MPZL1: variants seen among roughly 807,000 people sequenced by gnomAD.
MPZL1 encodes the protein myelin protein zero like 1.
In MPZL1, 16 loss-of-function variants were observed where a neutral mutation model predicts 29.3. The ratio of observed to expected loss-of-function variants is 0.55; its 90% CI spans 0.37 to 0.83. MPZL1 has a LOEUF of 0.83. Ranked by LOEUF, MPZL1 falls within the 40% of genes least tolerant of loss-of-function variation. The probability of loss-of-function intolerance (pLI) is 0.00; values close to 1 mark genes in which losing one functional copy is unlikely to be tolerated. For synonymous variants in MPZL1, 143 were observed against 132.0 expected, an observed-to-expected ratio of 1.08 and a Z score of -0.57; for missense variants, 279 against 332.9, an observed-to-expected ratio of 0.84 and a Z score of 1.26.
chr1:167,722,713 T>C (rs994236291), intron 1 of MPZL1, among the ~76,000 whole-genome samples: 11 of 152,230 alleles, frequency 7.2e-5, no homozygotes, highest in African/African-American at 1.4e-4. Flanking sequence ...TTGATTTGTT[T>C]CCTGTTAAGC....
intron 1 of MPZL1, among the ~76,000 whole-genome samples, chr1:167,763,230 G>T (rs114761699): frequency 0.013 from 1,990 of 152,264 alleles, 46 homozygotes; most frequent in African/African-American, 0.045. Context: ...AATCCTTGAA[G>T]AAGGCTGGGT....
At chr1:167,722,878 G>A (rs1256659173) in intron 1 of MPZL1, among the ~76,000 whole-genome samples, 1 of 152,138 alleles carries the variant, frequency 6.6e-6, no homozygotes, top group African/African-American at 2.4e-5. Context: ...CAGTGAGATG[G>A]CCTGGCTTAA....
At chr1:167,774,715 C>T (rs1253522480) in intron 4 of MPZL1, 1 of 152,224 alleles carries the variant, frequency 6.6e-6, no homozygotes, top group Non-Finnish European at 1.5e-5. Context: ...TTTCCTCCTC[C>T]TCTACCTTTT....
chr1:167,751,202 T>C (rs1660748330), intron 1 of MPZL1, among the ~76,000 whole-genome samples: 2 of 152,240 alleles, frequency 1.3e-5, no homozygotes, highest in Non-Finnish European at 1.5e-5. Flanking sequence ...GCAACTATCA[T>C]GTTTCTCCTT....
At position 167,733,374 on chromosome 1, in the gene MPZL1, G is replaced by T. The variant is rs75136949; in HGVS notation, c.91+11132G>T. On this transcript the variant is annotated intron_variant, in intron 1 of 5. Transcript: ENST00000359523. ...TTCCCACTGTAAGTTCTAGGCTATA[G>T]ATAAGAGTGTCACAAAGTTCTTTTA... Among the ~76,000 whole-genome samples the T allele has an allele frequency of 1.1e-3, 175 of 152,292 alleles. 1 individual carries two copies. The East Asian group carries it at 0.029, about 25-fold the overall frequency.
rs1661678725 is a variant in MPZL1, at chr1:167,790,202, A to G, written c.*2281A>G. ...CACTTCTTCTTGCGGTGCCGGGACC[A>G]TGTGTTGGTGAAGCTGGTGCTGTGG... On this transcript the variant is annotated 3_prime_UTR_variant, in exon 6 of 6. Coordinates refer to ENST00000359523, the MANE Select transcript of MPZL1 (RefSeq NM_003953.6). 2.0e-5 allele frequency: 3 copies of G among 152,414 alleles called. No individual in the cohort carries two copies. Among genetic ancestry groups the G allele is most frequent in the South Asian group, 2.1e-4 (1 of 4,820 alleles). The allele number at this position is 152,414 out of a possible 1,614,324, so 9.4% of individuals were successfully genotyped here.
intron 1 of MPZL1, among the ~76,000 whole-genome samples, chr1:167,744,279 G>A (rs6427106): frequency 0.74 from 112,761 of 151,910 alleles, 42,078 homozygotes; most frequent in Admixed American, 0.82. Context: ...TAGTCACACC[G>A]GAAGTTTTTC....
Position 167,763,638 on chromosome 1 carries a change from G to T in MPZL1, c.92-1945G>T, listed in dbSNP as rs186010026. On this transcript the variant is annotated intron_variant, in intron 1 of 5. Transcript: ENST00000359523. ...CACACAGAGTGAATAAGGGTTGCAA[G>T]CCAGTGCTGCTTCCTGGAATAAGCT... is the stretch of plus-strand genomic sequence containing the variant. Among the ~76,000 whole-genome samples, 4 of 152,356 alleles carry T rather than the reference G, an allele frequency of 2.6e-5. 1 individual carries two copies. Among genetic ancestry groups the T allele is most frequent in the Admixed American group, 2.6e-4 (4 of 15,298 alleles).
At chr1:167,770,878 G>A (rs182835553) in intron 2 of MPZL1, among the ~76,000 whole-genome samples, 1 of 152,178 alleles carries the variant, frequency 6.6e-6, no homozygotes, top group African/African-American at 2.4e-5. Flanking sequence ...ATATTGAGAG[G>A]ATTAGAGGTG....
Position 167,773,256 on chromosome 1 carries a change from G to C in MPZL1, c.493G>C (p.Val165Leu). The change falls in exon 4 of 6, where the codon GTT becomes CTT. Residue 165 changes from valine to leucine, a missense_variant. By Grantham distance (32) the Val-to-Leu change is conservative. Coordinates refer to ENST00000359523, the MANE Select transcript of MPZL1 (RefSeq NM_003953.6). ...VEKENLPVFP[V>L]WVVVGIVTAV... ...TCTAGAGAATTTGCCTGTGTTTCCA[G>C]TTTGGGTAGTGGTGGGCATAGTTAC... is the stretch of plus-strand genomic sequence containing the variant. 1 of 1,613,422 alleles carries C rather than the reference G, an allele frequency of 6.2e-7. No individual in the cohort carries two copies. Among genetic ancestry groups the C allele is most frequent in the Non-Finnish European group, 8.5e-7 (1 of 1,179,444 alleles).
At chr1:167,747,130 C>G (rs147640992) in intron 1 of MPZL1, among the ~76,000 whole-genome samples, 1 of 152,328 alleles carries the variant, frequency 6.6e-6, no homozygotes, top group East Asian at 1.9e-4. Flanking sequence ...ACACTCATTA[C>G]CATTTGCAGC....
In MPZL1 at chr1:167,731,131, A is replaced by T. The variant is rs547630408; in HGVS notation, c.91+8889A>T. Among the ~76,000 whole-genome samples, 10 of 152,322 alleles carry T rather than the reference A, an allele frequency of 6.6e-5. No individual in the cohort carries two copies. The South Asian group carries it at 2.1e-3, about 32-fold the overall frequency. On this transcript the variant is annotated intron_variant, in intron 1 of 5. Transcript: ENST00000359523. ...CTAATTTGTAATCAGGTTGAATAAT[A>T]TGGATTTAAGACCAGAAAATGGGCC...
At position 167,773,243 on chromosome 1, in the gene MPZL1, G is replaced by A. The variant is rs896156412; in HGVS notation, c.480G>A (p.Leu160=). Residue 160 remains leucine, a synonymous_variant, in exon 4 of 6, where the codon TTG becomes TTA. Transcript: ENST00000359523. The stretch of plus-strand genomic sequence containing the variant: ...TTTGTTCTTTCTCTCTAGAGAATTT[G>A]CCTGTGTTTCCAGTTTGGGTAGTGG... ...IRLYVVEKEN[L]PVFPVWVVVG... 1.4e-5 allele frequency: 22 copies of A among 1,612,666 alleles called. No individual in the cohort carries two copies. In the African/African-American group the frequency reaches 2.8e-4, roughly 21 times the overall value.
intron 1 of MPZL1, among the ~76,000 whole-genome samples, chr1:167,727,720 T>C (rs964973483): frequency 6.6e-6 from 1 of 152,120 alleles, no homozygotes; most frequent in Non-Finnish European, 1.5e-5. Context: ...CAGACAAAAG[T>C]CTTTGGAATT....
chr1:167,769,223 A>G (rs763060201), intron 2 of MPZL1, among the ~76,000 whole-genome samples: 7 of 152,104 alleles, frequency 4.6e-5, no homozygotes, highest in Non-Finnish European at 1.0e-4. Context: ...GTTTTTGCAC[A>G]CCTTGCTAGC....
At chr1:167,761,547 G>A (rs1660988813) in intron 1 of MPZL1, among the ~76,000 whole-genome samples, 1 of 152,176 alleles carries the variant, frequency 6.6e-6, no homozygotes, top group Non-Finnish European at 1.5e-5. Flanking sequence ...TGTTTTCTCG[G>A]TGAAATAAGC....
chr1:167,732,827 C>T (rs774145335), intron 1 of MPZL1, among the ~76,000 whole-genome samples: 1 of 152,058 alleles, frequency 6.6e-6, no homozygotes, highest in African/African-American at 2.4e-5. Flanking sequence ...AGGCTGGTCT[C>T]GAGCTCCTGA....
intron 2 of MPZL1, among the ~76,000 whole-genome samples, chr1:167,770,052 T>C (rs113964655): frequency 1.8e-3 from 272 of 152,142 alleles, no homozygotes; most frequent in African/African-American, 6.2e-3. Context: ...GGTGACAAGC[T>C]TGGGGGAGAG....
chr1:167,763,332 A>G (rs940288329), intron 1 of MPZL1, among the ~76,000 whole-genome samples: 4 of 152,158 alleles, frequency 2.6e-5, no homozygotes, highest in Non-Finnish European at 5.9e-5. Context: ...CCTGGGCAAC[A>G]TGGTGAAACC....
Sources: gnomAD v4.1 joint callset for allele counts (sites outside exome capture counted in the v4.1 genomes callset) on GRCh38, gnomAD v4.1.1 for gene constraint, MANE v1.5 for transcripts, NCBI Gene and HGNC (gene_info 2026-07-23, HGNC 2026-07-21) for gene names.